Variants in TGFBR3 observed in about 807,000 individuals in gnomAD.
TGFBR3 encodes transforming growth factor beta receptor type 3.
A neutral mutation model predicts 87.9 loss-of-function variants in TGFBR3; 46 were observed. That is an observed-to-expected ratio of 0.52 (90% CI 0.41 to 0.67). TGFBR3 has a LOEUF of 0.67. Among genes scored for constraint, TGFBR3 ranks in the 30% least tolerant of loss-of-function variants. The pLI, the probability that TGFBR3 is intolerant of heterozygous loss-of-function variation, is 0.00. For synonymous variants in TGFBR3, 381 were observed against 391.6 expected (o/e 0.97, Z 0.32); for missense variants, 866 against 1,041.9 (o/e 0.83, Z 2.32).
rs1469852386 is a variant in TGFBR3, at chr1:91,734,722, GA to G, written c.568+53del. 3.1e-6 allele frequency: 5 copies of G among 1,601,552 alleles called. No homozygotes were observed. In the African/African-American group the frequency reaches 6.7e-5, roughly 21 times the overall value. ...GCCCTAACCACCTGGTTTCAGAAAA[GA>G]AAACAATTGCCTGTCATAAATCAGT... On this transcript the variant is annotated intron_variant, in intron 5 of 16. Transcript: ENST00000212355.
chr1:91,695,610 G>T, intron 16 of TGFBR3, 62 bp downstream of exon 16: 1 of 1,232,568 alleles, frequency 8.1e-7, no homozygotes, highest in Non-Finnish European at 1.2e-6. Flanking sequence ...AAAACACTGA[G>T]TGTCTATTGT....
rs1420057778 is a variant in TGFBR3 at position 91,833,459 on chromosome 1, T to A, written c.61+28012A>T. Among the ~76,000 whole-genome samples the A allele has an allele frequency of 1.1e-4, 4 of 37,102 alleles. 1 individual carries two copies. The highest frequency in any genetic ancestry group is 1.7e-4 in the Non-Finnish European group (4 of 23,204). 24.3% of individuals were successfully genotyped at this position (37,102 alleles called of 152,430 possible). On this transcript the variant is annotated intron_variant, in intron 2 of 16. Transcript: ENST00000212355. ...CTGGGCGACAGAGCAAAGCTCTGTC[T>A]CAAAAAAAAAAAAAAAAAAAAAAAA...
At chr1:91,885,351 A>T (rs886873279) in intron 1 of TGFBR3, among the ~76,000 whole-genome samples, 11 of 101,600 alleles carry the variant, frequency 1.1e-4, no homozygotes, top group South Asian at 3.6e-4. Flanking sequence ...AGCCTTCAAA[A>T]TAAACCGGGG....
intron 3 of TGFBR3, among the ~76,000 whole-genome samples, chr1:91,763,651 T>C (rs1674058262): frequency 6.6e-6 from 1 of 152,200 alleles, no homozygotes; most frequent in Non-Finnish European, 1.5e-5. Flanking sequence ...ATCCTGAATC[T>C]GGGTCTCCCA....
intron 15 of TGFBR3, among the ~76,000 whole-genome samples, chr1:91,696,650 G>C (rs1206193906): frequency 6.6e-6 from 1 of 152,132 alleles, no homozygotes. Flanking sequence ...GGTTTCCAAG[G>C]GGGAGGAGTT....
chr1:91,805,089 T>C (rs891353687), intron 2 of TGFBR3, among the ~76,000 whole-genome samples: 4 of 152,204 alleles, frequency 2.6e-5, no homozygotes, highest in African/African-American at 9.7e-5. Context: ...AGAAACTCTA[T>C]AACCCACTAT....
At chr1:91,746,146 C>T in intron 4 of TGFBR3, among the ~76,000 whole-genome samples, 1 of 152,102 alleles carries the variant, frequency 6.6e-6, no homozygotes, top group East Asian at 1.9e-4. Flanking sequence ...GAGATGCTGC[C>T]CTCCAAACAC....
In TGFBR3 at chr1:91,716,322, T is replaced by C; in HGVS notation, c.1780A>G (p.Asn594Asp). ...AGGTCAGTGTTGTATAGCTCCATGT[T>C]GAAGGTGATGTTTCCGTGGGGCTGT... is the stretch of plus-strand genomic sequence containing the variant. ...QEQPHGNITF[N>D]MELYNTDLFL... Residue 594 changes from asparagine to aspartate, a missense_variant, in exon 12 of 17, where the codon AAC (asparagine) becomes GAC (aspartate). Physicochemically the swap from Asn to Asp is conservative, Grantham distance 23 (BLOSUM62 1). Coordinates refer to ENST00000212355, the MANE Select transcript of TGFBR3 (RefSeq NM_003243.5). The C allele has an allele frequency of 6.2e-7, 1 of 1,614,158 alleles. No individual in the cohort carries two copies. Among genetic ancestry groups the C allele is most frequent in the Non-Finnish European group, 8.5e-7 (1 of 1,180,012 alleles).
intron 3 of TGFBR3, among the ~76,000 whole-genome samples, chr1:91,793,269 A>C (rs1245779203): frequency 6.6e-6 from 1 of 152,194 alleles, no homozygotes; most frequent in Non-Finnish European, 1.5e-5. Context: ...GGAATTTATT[A>C]ATAGTAAAAT....
chr1:91,792,938 T>C (rs1168922927), intron 3 of TGFBR3, among the ~76,000 whole-genome samples: 1 of 152,234 alleles, frequency 6.6e-6, no homozygotes, highest in African/African-American at 2.4e-5. Context: ...CCGAAACCAA[T>C]GATTACAAAT....
intron 2 of TGFBR3, among the ~76,000 whole-genome samples, chr1:91,854,995 G>A (rs553348296): frequency 1.3e-5 from 2 of 152,250 alleles, no homozygotes; most frequent in East Asian, 3.9e-4. Flanking sequence ...GGTATTATTA[G>A]CCTCTACTCA....
intron 14 of TGFBR3, among the ~76,000 whole-genome samples, chr1:91,699,431 CTTTTTTT>C (rs60223260): frequency 4.5e-4 from 36 of 80,844 alleles, no homozygotes; most frequent in African/African-American, 9.1e-4. Flanking sequence ...CTTTCTTTTG[CTTTTTTT>C]TTTTTTTTTT....
At chr1:91,702,738 A>G (rs1179455339) in intron 14 of TGFBR3, among the ~76,000 whole-genome samples, 2 of 151,788 alleles carry the variant, frequency 1.3e-5, no homozygotes, top group Admixed American at 1.3e-4. Context: ...TTTCAAAATA[A>G]AAAGGTTTTA....
intron 3 of TGFBR3, among the ~76,000 whole-genome samples, chr1:91,782,430 G>A (rs989083916): frequency 1.3e-5 from 2 of 152,200 alleles, no homozygotes; most frequent in Non-Finnish European, 2.9e-5. Flanking sequence ...AATCATGTGT[G>A]TCCCAACGGA....
intron 13 of TGFBR3, among the ~76,000 whole-genome samples, chr1:91,710,085 A>G (rs1483909868): frequency 5.3e-5 from 8 of 152,236 alleles, no homozygotes; most frequent in Admixed American, 6.5e-5. Flanking sequence ...GACAGCTTCT[A>G]TGGTAAGAAG....
intron 3 of TGFBR3, among the ~76,000 whole-genome samples, chr1:91,760,331 G>A (rs548354299): frequency 4.6e-4 from 70 of 152,128 alleles, no homozygotes; most frequent in Non-Finnish European, 7.5e-4. Flanking sequence ...CACAAGAATC[G>A]CTTGAACCCA....
At chr1:91,869,661 C>T (rs1401987709) in intron 1 of TGFBR3, among the ~76,000 whole-genome samples, 1 of 152,110 alleles carries the variant, frequency 6.6e-6, no homozygotes, top group African/African-American at 2.4e-5. Context: ...GAGACTCCGT[C>T]TCAAACAAAA....
At chr1:91,796,347 T>C (rs1168058665) in intron 3 of TGFBR3, among the ~76,000 whole-genome samples, 1 of 152,176 alleles carries the variant, frequency 6.6e-6, no homozygotes, top group African/African-American at 2.4e-5. Context: ...ACCTGTAAAA[T>C]GAGTATAATT....
chr1:91,741,246 C>G (rs531598435), intron 4 of TGFBR3, among the ~76,000 whole-genome samples: 1 of 152,244 alleles, frequency 6.6e-6, no homozygotes, highest in East Asian at 1.9e-4. Flanking sequence ...GAATGGCTCA[C>G]AGAACTCAAG....
Sources: gnomAD v4.1 joint callset for allele counts (sites outside exome capture counted in the v4.1 genomes callset) on GRCh38, gnomAD v4.1.1 for gene constraint, MANE v1.5 for transcripts, NCBI Gene and HGNC (gene_info 2026-07-23, HGNC 2026-07-21) for gene names.